ZBTB37: variants seen among roughly 807,000 people sequenced by gnomAD.
ZBTB37 encodes the protein zinc finger and BTB domain-containing protein 37.
ZBTB37 carries 15 observed loss-of-function variants against 37.7 expected under a neutral mutation model. The ratio of observed to expected loss-of-function variants is 0.40; its 90% CI spans 0.27 to 0.61. The LOEUF (loss-of-function observed/expected upper bound fraction) is 0.61, where lower values mean the gene tolerates loss of function less well. Among genes scored for constraint, ZBTB37 ranks in the 20% least tolerant of loss-of-function variants. The pLI is 0.44. For synonymous variants in ZBTB37, 231 were observed against 220.6 expected (o/e 1.05, Z -0.42); for missense variants, 514 against 641.9 (o/e 0.80, Z 2.15).
chr1:173,903,542 T>C (rs1044831122), exon 4 of ZBTB37: 5 of 293,566 alleles, frequency 1.7e-5, no homozygotes, highest in African/African-American at 8.9e-5. Context: ...AATGGTTTAA[T>C]ACTCAGATTT....
chr1:173,893,032 AGCTGAGATTACAG>A (rs1339286151), exon 4 of ZBTB37: 5 of 152,200 alleles, frequency 3.3e-5, no homozygotes, highest in Non-Finnish European at 5.9e-5. Flanking sequence ...CCTCCCAAAT[AGCTGAGATTACAG>A]GCGTGTGCCA....
At chr1:173,894,528 C>T (rs1224911038) in exon 4 of ZBTB37, 1 of 152,186 alleles carries the variant, frequency 6.6e-6, no homozygotes, top group East Asian at 1.9e-4. Context: ...CATGTGTTCT[C>T]TTCATCAAGG....
chr1:173,870,641 G>C, exon 3 of ZBTB37: 5 of 1,614,168 alleles, frequency 3.1e-6, no homozygotes, highest in Non-Finnish European at 4.2e-6. Context: ...GCAGAATTAA[G>C]TCAAACAAGG....
rs768072588 is a variant in ZBTB37, at chr1:173,873,578, T to A, written c.1023+12T>A. On this transcript the variant is annotated intron_variant, in intron 4 of 4. Transcript: ENST00000427304. The stretch of plus-strand genomic sequence containing the variant: ...AACCCAGCTCCCAGGTATGGAGTTG[T>A]GGATTTAGAACTGCTTTGGTGGTTG... 6.2e-7 allele frequency: 1 copy of A among 1,613,890 alleles called. No homozygotes were observed. The highest frequency in any genetic ancestry group is 2.2e-5 in the East Asian group (1 of 44,872).
intron 4 of ZBTB37, among the ~76,000 whole-genome samples, chr1:173,875,669 T>C (rs1270908430): frequency 1.3e-5 from 2 of 151,988 alleles, no homozygotes; most frequent in Admixed American, 6.6e-5. Context: ...CTTTTTTTTT[T>C]CTGAGACAGG....
exon 3 of ZBTB37, chr1:173,870,612 T>A: frequency 6.2e-7 from 1 of 1,614,170 alleles, no homozygotes; most frequent in Non-Finnish European, 8.5e-7. Flanking sequence ...ATTTCAAAAT[T>A]AATGTGGCTG....
intron 4 of ZBTB37, among the ~76,000 whole-genome samples, chr1:173,877,336 G>T (rs968333360): frequency 6.7e-6 from 1 of 149,520 alleles, no homozygotes; most frequent in Non-Finnish European, 1.5e-5. Flanking sequence ...AATGAAATCA[G>T]TGTCCACTTA....
chr1:173,882,046 T>C (rs1269859929), intron 4 of ZBTB37, among the ~76,000 whole-genome samples: 1 of 151,168 alleles, frequency 6.6e-6, no homozygotes, highest in Non-Finnish European at 1.5e-5. Flanking sequence ...AGAGGAAGAC[T>C]CTGTCTCAAA....
At chr1:173,875,118 GT>G (rs1655865085) in intron 4 of ZBTB37, among the ~76,000 whole-genome samples, 1 of 918 alleles carries the variant, frequency 1.1e-3, no homozygotes, top group Non-Finnish European at 1.8e-3. Flanking sequence ...TGATTATTAT[GT>G]GTGTGTGTGT....
chr1:173,870,107 C>A, intron 2 of ZBTB37, 93 bp from the exon 3 acceptor site: 1 of 820,490 alleles, frequency 1.2e-6, no homozygotes, highest in Non-Finnish European at 1.8e-6. Context: ...TGAAACTTTA[C>A]CAGATAACTA....
chr1:173,881,203 TGTTTG>T (rs990677172), intron 4 of ZBTB37, among the ~76,000 whole-genome samples: 48 of 150,276 alleles, frequency 3.2e-4, no homozygotes, highest in Non-Finnish European at 6.3e-4. Context: ...GAACATGAGG[TGTTTG>T]GTTTTCCGTC....
At chr1:173,875,434 T>A (rs2102728784) in intron 4 of ZBTB37, among the ~76,000 whole-genome samples, 1 of 151,406 alleles carries the variant, frequency 6.6e-6, no homozygotes, top group Admixed American at 6.6e-5. Context: ...CAAACGGTTC[T>A]CCTGCCTCAA....
chr1:173,870,763 G>C (rs757341093), exon 3 of ZBTB37: 5 of 1,614,110 alleles, frequency 3.1e-6, no homozygotes, highest in Non-Finnish European at 4.2e-6. Flanking sequence ...TCAGGTTAGT[G>C]CTGTGCTGGA....
exon 4 of ZBTB37, chr1:173,899,744 C>T (rs1657187402): frequency 6.6e-6 from 1 of 152,188 alleles, no homozygotes; most frequent in East Asian, 1.9e-4. Flanking sequence ...GGCAGGATAA[C>T]CTCAATCCAG....
chr1:173,897,014 G>A (rs1021970133), exon 4 of ZBTB37: 2 of 152,042 alleles, frequency 1.3e-5, no homozygotes, highest in Non-Finnish European at 1.5e-5. Flanking sequence ...CATGTAACTC[G>A]AATTTTTTTT....
chr1:173,872,280 A>G (rs1441951763), intron 3 of ZBTB37, among the ~76,000 whole-genome samples: 2 of 151,986 alleles, frequency 1.3e-5, no homozygotes, highest in Admixed American at 6.6e-5. Context: ...TTACCATGCT[A>G]GCCAGGATGG....
Position 173,895,580 on chromosome 1 carries a change from C to T in ZBTB37, c.*9456C>T, listed in dbSNP as rs928789330. The T allele has an allele frequency of 4.6e-5, 7 of 152,094 alleles. No homozygotes were observed. In the East Asian group the frequency reaches 1.2e-3, roughly 25 times the overall value. 9.4% of individuals were successfully genotyped at this position (152,094 alleles called of 1,614,324 possible). On this transcript the variant is annotated 3_prime_UTR_variant, in exon 4 of 4. Coordinates refer to the ZBTB37 transcript ENST00000367701. ...ATTCTTGAGATAGTGAAAAGTTTTA[C>T]CTACTTATCTTAATCCCATTCTACC...
intron 4 of ZBTB37, among the ~76,000 whole-genome samples, chr1:173,875,681 TCTCA>T (rs1655927176): frequency 6.6e-6 from 1 of 151,618 alleles, no homozygotes. Flanking sequence ...TGAGACAGGG[TCTCA>T]CTCTGGTTGA....
intron 4 of ZBTB37, among the ~76,000 whole-genome samples, chr1:173,875,920 A>G (rs951204712): frequency 2.0e-5 from 3 of 152,006 alleles, no homozygotes; most frequent in South Asian, 2.1e-4. Flanking sequence ...CAGCCTCCCA[A>G]TTTGCTGGGA....
Sources: gnomAD v4.1 joint callset for allele counts (sites outside exome capture counted in the v4.1 genomes callset) on GRCh38, gnomAD v4.1.1 for gene constraint, MANE v1.5 for transcripts, NCBI Gene and HGNC (gene_info 2026-07-23, HGNC 2026-07-21) for gene names.